Variants in SHLD1 observed in about 807,000 individuals in gnomAD.
SHLD1 encodes RINN1-REV7-interacting novel NHEJ regulator 3.
Under a neutral mutation model 5.5 loss-of-function variants are expected in SHLD1, and 3 were observed. The ratio of observed to expected loss-of-function variants is 0.54; its 90% CI spans 0.25 to 1.40. SHLD1 has a LOEUF of 1.40. SHLD1 is among the 40% of genes most tolerant of loss of function. The pLI is 0.15. For synonymous variants in SHLD1, 92 were observed against 94.3 expected, an observed-to-expected ratio of 0.98 and a Z score of 0.14; for missense variants, 210 against 244.4, an observed-to-expected ratio of 0.86 and a Z score of 0.94.
intron 2 of SHLD1, among the ~76,000 whole-genome samples, chr20:5,779,022 G>A (rs538566461): frequency 6.6e-6 from 1 of 152,196 alleles, no homozygotes; most frequent in South Asian, 2.1e-4. Context: ...GGACAACATG[G>A]TGAAATCTCA....
At chr20:5,803,540 G>A (rs2087328524) in intron 2 of SHLD1, among the ~76,000 whole-genome samples, 1 of 152,008 alleles carries the variant, frequency 6.6e-6, no homozygotes, top group South Asian at 2.1e-4. Flanking sequence ...GGCTTCAGGG[G>A]AGTCTCCAGA....
intron 2 of SHLD1, among the ~76,000 whole-genome samples, chr20:5,795,257 AC>A (rs1445628847): frequency 6.6e-6 from 1 of 151,602 alleles, no homozygotes; most frequent in Non-Finnish European, 1.5e-5. Context: ...CAAAAACAAA[AC>A]AAAACAAAAA....
chr20:5,785,882 C>T (rs996314059), intron 2 of SHLD1, among the ~76,000 whole-genome samples: 6 of 152,006 alleles, frequency 3.9e-5, no homozygotes, highest in Admixed American at 1.3e-4. Context: ...ATCTTCAAGC[C>T]GATATTGGTA....
At chr20:5,832,157 T>C (rs2087736223) in intron 2 of SHLD1, among the ~76,000 whole-genome samples, 1 of 152,222 alleles carries the variant, frequency 6.6e-6, no homozygotes, top group South Asian at 2.1e-4. Flanking sequence ...GCCAGGCTGG[T>C]CTCAAACTCC....
chr20:5,810,192 G>A (rs2075136692), intron 2 of SHLD1, among the ~76,000 whole-genome samples: 1 of 151,888 alleles, frequency 6.6e-6, no homozygotes, highest in African/African-American at 2.4e-5. Context: ...GGGTGGTGGA[G>A]GTTGCAGTGA....
At chr20:5,800,809 A>G (rs433327) in intron 2 of SHLD1, among the ~76,000 whole-genome samples, 129,487 of 152,094 alleles carry the variant, frequency 0.85, 55,362 homozygotes, top group East Asian at 1. Context: ...AATTACATCT[A>G]TGTATAAATC....
chr20:5,799,237 C>A (rs2087256312), intron 2 of SHLD1, among the ~76,000 whole-genome samples: 1 of 151,498 alleles, frequency 6.6e-6, no homozygotes, highest in Non-Finnish European at 1.5e-5. Context: ...AGCCTCACTT[C>A]TGTTGCATTC....
intron 2 of SHLD1, among the ~76,000 whole-genome samples, chr20:5,815,815 T>G (rs1209015425): frequency 6.6e-6 from 1 of 152,148 alleles, no homozygotes; most frequent in Non-Finnish European, 1.5e-5. Flanking sequence ...GTATAGTGGC[T>G]CATGCCTGTA....
chr20:5,844,869 A>G lies in SHLD1; in HGVS notation c.179-18155A>G, dbSNP rs567118113. 2.5e-4 allele frequency among the ~76,000 whole-genome samples: 36 copies of G among 143,818 alleles called. No individual in the cohort carries two copies. The South Asian group carries it at 5.5e-3, about 22-fold the overall frequency. 94.4% of individuals were successfully genotyped at this position (143,818 alleles called of 152,430 possible). On this transcript the variant is annotated intron_variant, in intron 2 of 2. Transcript: ENST00000303142. ...GAGTGTAGTAGTGCGATCTCGGTTC[A>G]CTGCAACCTCCGCCTCCTGGGTTCA...
At chr20:5,760,047 ACAT>A (rs1279051505) in intron 1 of SHLD1, among the ~76,000 whole-genome samples, 1 of 152,176 alleles carries the variant, frequency 6.6e-6, no homozygotes, top group African/African-American at 2.4e-5. Flanking sequence ...TATATTGCAG[ACAT>A]CATGTCTCCT....
intron 2 of SHLD1, among the ~76,000 whole-genome samples, chr20:5,846,046 A>G (rs1448929516): frequency 5.9e-5 from 9 of 152,196 alleles, no homozygotes; most frequent in Admixed American, 5.2e-4. Context: ...CAAAACTTCT[A>G]TGGCATATGG....
intron 1 of SHLD1, among the ~76,000 whole-genome samples, chr20:5,757,764 G>A (rs1210467620): frequency 4.0e-5 from 6 of 151,758 alleles, no homozygotes; most frequent in African/African-American, 1.5e-4. Context: ...CACCACACCT[G>A]GCTAATTTTT....
intron 1 of SHLD1, among the ~76,000 whole-genome samples, chr20:5,765,350 A>G (rs370057114): frequency 3.3e-5 from 5 of 152,216 alleles, no homozygotes; most frequent in East Asian, 1.9e-4. Flanking sequence ...GGTTCAAGTG[A>G]TTCTTCTGCC....
At position 5,816,717 on chromosome 20, in the gene SHLD1, A is replaced by T. The variant is rs539753560; in HGVS notation, c.178+43674A>T. On this transcript the variant is annotated intron_variant, in intron 2 of 2. Transcript: ENST00000303142. ...TTAAAATGCCTGACAGTATAAAAGGACCAGTTTAAAAACTATCACAGATAT... is the reference window on the plus strand; with the variant it reads ...TTAAAATGCCTGACAGTATAAAAGGTCCAGTTTAAAAACTATCACAGATAT... Among the ~76,000 whole-genome samples the T allele has an allele frequency of 2.0e-5, 3 of 152,358 alleles. No individual in the cohort carries two copies. In the East Asian group the frequency reaches 5.8e-4, roughly 29 times the overall value.
At chr20:5,808,895 T>A (rs2087420383) in intron 2 of SHLD1, among the ~76,000 whole-genome samples, 1 of 152,170 alleles carries the variant, frequency 6.6e-6, no homozygotes, top group South Asian at 2.1e-4. Context: ...CAGAAGCCAG[T>A]TTAGTTGGGT....
chr20:5,810,624 TG>T (rs1277113719), intron 2 of SHLD1, among the ~76,000 whole-genome samples: 1 of 152,090 alleles, frequency 6.6e-6, no homozygotes, highest in African/African-American at 2.4e-5. Flanking sequence ...CCTGGCATGA[TG>T]GCTCACGCCT....
intron 2 of SHLD1, among the ~76,000 whole-genome samples, chr20:5,799,726 C>T (rs1416839904): frequency 1.3e-5 from 2 of 152,090 alleles, no homozygotes; most frequent in Non-Finnish European, 2.9e-5. Flanking sequence ...GGGTCAGTAC[C>T]ATATTCCTTT....
chr20:5,784,798 C>G lies in SHLD1; in HGVS notation c.178+11755C>G, dbSNP rs572475066. 3.3e-5 allele frequency among the ~76,000 whole-genome samples: 5 copies of G among 152,308 alleles called. No individual in the cohort carries two copies. The South Asian group carries it at 1.0e-3, about 32-fold the overall frequency. ...GAATGTTATTTGCCACCTGTGACAT[C>G]TCTCGTTGTTCCTCACTCTTAAGTT... On this transcript the variant is annotated intron_variant, in intron 2 of 2. Transcript: ENST00000303142.
intron 2 of SHLD1, among the ~76,000 whole-genome samples, chr20:5,785,420 C>G (rs929131354): frequency 3.3e-5 from 5 of 152,190 alleles, no homozygotes; most frequent in African/African-American, 1.2e-4. Context: ...ATCTGAGACT[C>G]AAACCTGGGT....
Sources: gnomAD v4.1 joint callset for allele counts (sites outside exome capture counted in the v4.1 genomes callset) on GRCh38, gnomAD v4.1.1 for gene constraint, MANE v1.5 for transcripts, NCBI Gene and HGNC (gene_info 2026-07-23, HGNC 2026-07-21) for gene names.